LRRC9: variants seen among roughly 807,000 people sequenced by gnomAD.
LRRC9 encodes leucine-rich repeat-containing protein 9.
LRRC9 carries 122 observed loss-of-function variants against 63.2 expected under a neutral mutation model. The observed-to-expected ratio is 1.93, with a 90% CI of 1.67 to 2.24. LRRC9 has a LOEUF of 2.24. Among genes scored for constraint, LRRC9 ranks in the 30% most tolerant of loss-of-function variants. The pLI is 0.00. For synonymous variants in LRRC9, 366 were observed against 213.1 expected (o/e 1.72, Z -6.25); for missense variants, 1,071 against 627.7 (o/e 1.71, Z -7.55).
intron 27 of LRRC9, among the ~76,000 whole-genome samples, chr14:60,025,395 C>A (rs543236173): frequency 6.2e-4 from 95 of 152,088 alleles, no homozygotes; most frequent in African/African-American, 2.2e-3. Context: ...AGCCACCACT[C>A]CCTGCCCAGA....
At chr14:60,063,554 ACTTT>A (rs1165989684) in exon 32 of LRRC9, 25 of 478,000 alleles carry the variant, frequency 5.2e-5, no homozygotes, top group East Asian at 7.4e-4. Flanking sequence ...CCTCTCTTAA[ACTTT>A]CTTTATGGTT....
intron 15 of LRRC9, among the ~76,000 whole-genome samples, chr14:59,980,484 C>A (rs1594932157): frequency 6.6e-6 from 1 of 152,068 alleles, no homozygotes; most frequent in Non-Finnish European, 1.5e-5. Flanking sequence ...TAAACAGTAT[C>A]TTTTTCCAAA....
At chr14:60,029,384 T>C (rs1488446835) in intron 28 of LRRC9, among the ~76,000 whole-genome samples, 1 of 152,072 alleles carries the variant, frequency 6.6e-6, no homozygotes, top group East Asian at 1.9e-4. Context: ...TGATCTTATA[T>C]AGTAGGGGAG....
intron 29 of LRRC9, among the ~76,000 whole-genome samples, chr14:60,033,194 A>G (rs1269742186): frequency 1.3e-5 from 2 of 151,972 alleles, no homozygotes; most frequent in African/African-American, 4.8e-5. Flanking sequence ...AATCTTGCTG[A>G]ACCCTCTTTT....
Position 59,990,027 on chromosome 14 carries a change from A to C in LRRC9, c.2211+4803A>C, listed in dbSNP as rs1234575871. 6.6e-6 allele frequency among the ~76,000 whole-genome samples: 1 copy of C among 150,954 alleles called. No individual in the cohort carries two copies. The highest frequency in any genetic ancestry group is 1.5e-5 in the Non-Finnish European group (1 of 67,916). On this transcript the variant is annotated intron_variant, in intron 17 of 31. Transcript: ENST00000445360. This position sits in a 1 kb window ranked among gnomAD's most constrained non-coding sequence, Gnocchi z 4.2. ...ACCGCAACATCCACCTCCTGGATTC[A>C]AGTAATTCTCCTGCCTTGGCCTCCC...
chr14:59,955,633 T>C (rs1200766671), intron 8 of LRRC9, among the ~76,000 whole-genome samples: 1 of 152,196 alleles, frequency 6.6e-6, no homozygotes, highest in Non-Finnish European at 1.5e-5. Context: ...TTTTCATGTC[T>C]CTACCTCCTT....
intron 23 of LRRC9, among the ~76,000 whole-genome samples, chr14:60,010,536 A>G (rs1890182499): frequency 6.6e-6 from 1 of 152,044 alleles, no homozygotes; most frequent in Non-Finnish European, 1.5e-5. Context: ...TGCCCTGGAG[A>G]CGTTTTCCCC....
intron 23 of LRRC9, among the ~76,000 whole-genome samples, chr14:60,016,327 C>T (rs1890683386): frequency 6.6e-6 from 1 of 152,104 alleles, no homozygotes; most frequent in Non-Finnish European, 1.5e-5. Flanking sequence ...CCTCAGCCTC[C>T]CACATAGCTA....
chr14:59,954,019 T>C (rs1386333026), intron 8 of LRRC9, among the ~76,000 whole-genome samples: 1 of 152,210 alleles, frequency 6.6e-6, no homozygotes, highest in Non-Finnish European at 1.5e-5. Flanking sequence ...CATTGGTCTA[T>C]ATATCCATTT....
In LRRC9 at chr14:59,979,484, C is replaced by T. The variant is rs537360713; in HGVS notation, c.1878+1352C>T. Among the ~76,000 whole-genome samples, 1,081 of 151,940 alleles carry T rather than the reference C, an allele frequency of 7.1e-3. 9 individuals carry two copies. The highest frequency in any genetic ancestry group is 0.024 in the African/African-American group (1,006 of 41,436). On this transcript the variant is annotated intron_variant, in intron 15 of 31. Transcript: ENST00000445360. ...AACATTAGCCGGCCGTGGTGGCGGG[C>T]GCCTGTAGTCCCAGCTACTCGGGAG... is the stretch of plus-strand genomic sequence containing the variant.
rs1008134882 is a variant in LRRC9 at position 60,004,024 on chromosome 14, G to A, written c.2842+226G>A. Among the ~76,000 whole-genome samples, 39 of 152,126 alleles carry A rather than the reference G, an allele frequency of 2.6e-4. No individual in the cohort carries two copies. Among genetic ancestry groups the A allele is most frequent in the African/African-American group, 9.1e-4 (38 of 41,532 alleles). On this transcript the variant is annotated intron_variant, in intron 21 of 31. Coordinates refer to ENST00000445360, the Ensembl canonical transcript of LRRC9. This position sits in a 1 kb window ranked among gnomAD's most constrained non-coding sequence, Gnocchi z 4.8. ...TACTTCAAAACATCATGTTGTACAA[G>A]ATAAATGGATACAATATTATCTGTC...
chr14:59,946,037 T>C (rs1882337920), intron 8 of LRRC9, among the ~76,000 whole-genome samples: 1 of 151,678 alleles, frequency 6.6e-6, no homozygotes, highest in South Asian at 2.1e-4. Flanking sequence ...ACCCAGTAAA[T>C]CTACTTCTAG....
At chr14:60,045,205 T>A (rs1343115967) in intron 29 of LRRC9, among the ~76,000 whole-genome samples, 1 of 152,152 alleles carries the variant, frequency 6.6e-6, no homozygotes, top group Non-Finnish European at 1.5e-5. Flanking sequence ...TCTTTATAGG[T>A]GAAATGAGTT....
At position 59,966,449 on chromosome 14, in the gene LRRC9, G is replaced by A. The variant is rs1014237577; in HGVS notation, c.1212-140G>A. The stretch of plus-strand genomic sequence containing the variant: ...TGCAATAAATGAATAAATAAACGGA[G>A]CCACTATATGATTACTGTATCTTTA... On this transcript the variant is annotated intron_variant, in intron 10 of 31. Transcript: ENST00000445360. This position sits in a 1 kb window ranked among gnomAD's most constrained non-coding sequence, Gnocchi z 4.0. The A allele has an allele frequency of 2.4e-6, 1 of 424,084 alleles. No individual in the cohort carries two copies. The highest frequency in any genetic ancestry group is 4.2e-6 in the Non-Finnish European group (1 of 240,276). The allele number at this position is 424,084 out of a possible 1,614,324, so 26.3% of individuals were successfully genotyped here. A position where few individuals can be genotyped will look rare whatever the true frequency, so the allele number is the denominator to read the frequency against.
chr14:59,931,493 G>A (rs1324477947), intron 4 of LRRC9, 126 bp from the exon 5 acceptor site: 1 of 515,710 alleles, frequency 1.9e-6, no homozygotes, highest in Non-Finnish European at 3.4e-6. Context: ...ATTTCCTTCT[G>A]TGCTTGTGGA....
intron 8 of LRRC9, among the ~76,000 whole-genome samples, chr14:59,946,504 CTTTT>C (rs562279605): frequency 1.5e-5 from 2 of 137,510 alleles, no homozygotes; most frequent in African/African-American, 5.4e-5. Context: ...TTTTTTTTGT[CTTTT>C]TTTTTTTTAA....
At chr14:60,047,099 C>T (rs535526482) in intron 29 of LRRC9, among the ~76,000 whole-genome samples, 53 of 152,154 alleles carry the variant, frequency 3.5e-4, no homozygotes, top group Admixed American at 7.2e-4. Context: ...CTTTTTTGCA[C>T]ATTGATTTTG....
At chr14:60,005,315 T>C (rs1889724935) in intron 21 of LRRC9, among the ~76,000 whole-genome samples, 1 of 152,142 alleles carries the variant, frequency 6.6e-6, no homozygotes, top group South Asian at 2.1e-4. Flanking sequence ...TCTTGACCTA[T>C]CACTAGTCTC....
intron 29 of LRRC9, among the ~76,000 whole-genome samples, chr14:60,041,923 G>A (rs1437563351): frequency 6.6e-6 from 1 of 152,174 alleles, no homozygotes; most frequent in Admixed American, 6.5e-5. Flanking sequence ...TACAGATGGG[G>A]TTTTGGTATG....
Sources: gnomAD v4.1 joint callset for allele counts (sites outside exome capture counted in the v4.1 genomes callset) on GRCh38, gnomAD v4.1.1 for gene constraint, Gnocchi (gnomAD v3.1) non-coding constraint, MANE v1.5 for transcripts, NCBI Gene and HGNC (gene_info 2026-07-23, HGNC 2026-07-21) for gene names.